Variants in CNTN3 observed in about 807,000 individuals in gnomAD.
CNTN3 encodes contactin 3.
In CNTN3, 60 loss-of-function variants were observed where a neutral mutation model predicts 119.1. The observed-to-expected ratio is 0.50, with a 90% CI of 0.41 to 0.62. The LOEUF (loss-of-function observed/expected upper bound fraction) is 0.62, where lower values mean the gene tolerates loss of function less well. CNTN3 is among the 20% of genes least tolerant of loss of function. The probability of loss-of-function intolerance (pLI) is 0.00; values close to 1 mark genes in which losing one functional copy is unlikely to be tolerated. For synonymous variants in CNTN3, 450 were observed against 438.7 expected (o/e 1.03, Z -0.32); for missense variants, 1,101 against 1,242.4 (o/e 0.89, Z 1.71).
At chr3:74,588,990 A>C (rs1368418013) in intron 1 of CNTN3, among the ~76,000 whole-genome samples, 1 of 152,036 alleles carries the variant, frequency 6.6e-6, no homozygotes, top group Admixed American at 6.6e-5. Context: ...TTAGACCTAA[A>C]ACCATAAAAA....
intron 10 of CNTN3, among the ~76,000 whole-genome samples, chr3:74,363,765 T>C (rs555234981): frequency 6.6e-6 from 1 of 152,210 alleles, no homozygotes; most frequent in Admixed American, 6.5e-5. Flanking sequence ...CAAATTATGC[T>C]GAAATCCAAA....
chr3:74,590,101 A>C (rs923123694), intron 1 of CNTN3, among the ~76,000 whole-genome samples: 1 of 152,002 alleles, frequency 6.6e-6, no homozygotes, highest in Non-Finnish European at 1.5e-5. Context: ...TAAAACTTAA[A>C]GTATAATAAT....
chr3:74,395,156 C>T (rs1486028121), intron 5 of CNTN3, among the ~76,000 whole-genome samples: 1 of 152,182 alleles, frequency 6.6e-6, no homozygotes, highest in East Asian at 1.9e-4. Context: ...AGACCCTCAG[C>T]ATCACAGGAC....
chr3:74,543,563 T>C (rs1389909483), intron 1 of CNTN3, among the ~76,000 whole-genome samples: 1 of 152,202 alleles, frequency 6.6e-6, no homozygotes, highest in East Asian at 1.9e-4. Flanking sequence ...TGATATAAAC[T>C]AATTTAGTAG....
chr3:74,322,959 A>T (rs1224308082), intron 13 of CNTN3, among the ~76,000 whole-genome samples: 2 of 152,204 alleles, frequency 1.3e-5, no homozygotes, highest in Non-Finnish European at 2.9e-5. Context: ...TTGAGACAAT[A>T]AAAAGATTAG....
chr3:74,532,630 G>C (rs1703710133), intron 1 of CNTN3, among the ~76,000 whole-genome samples: 1 of 151,948 alleles, frequency 6.6e-6, no homozygotes, highest in Admixed American at 6.6e-5. Context: ...TGGGTCCCCT[G>C]GATAAAGAAA....
intron 4 of CNTN3, among the ~76,000 whole-genome samples, chr3:74,469,689 C>A (rs1045587355): frequency 1.3e-5 from 2 of 152,082 alleles, no homozygotes; most frequent in Non-Finnish European, 2.9e-5. Context: ...AATAAAAAGA[C>A]AAACAATAAC....
intron 11 of CNTN3, among the ~76,000 whole-genome samples, chr3:74,348,466 C>T (rs984726347): frequency 2.0e-5 from 3 of 152,176 alleles, no homozygotes; most frequent in Non-Finnish European, 4.4e-5. Flanking sequence ...CTAGGGAATT[C>T]AGCTTCCACC....
At chr3:74,533,104 A>G (rs1046695394) in intron 1 of CNTN3, among the ~76,000 whole-genome samples, 1 of 152,062 alleles carries the variant, frequency 6.6e-6, no homozygotes, top group Non-Finnish European at 1.5e-5. Flanking sequence ...AAGAGGTCAC[A>G]GAAATGATGA....
At chr3:74,394,873 T>A (rs1418885779) in intron 5 of CNTN3, among the ~76,000 whole-genome samples, 3 of 152,130 alleles carry the variant, frequency 2.0e-5, no homozygotes, top group Non-Finnish European at 2.9e-5. Context: ...TAAAATGATG[T>A]GCGTGGAAGT....
intron 4 of CNTN3, among the ~76,000 whole-genome samples, chr3:74,466,638 T>C (rs182547563): frequency 3.0e-4 from 45 of 152,292 alleles, no homozygotes; most frequent in Non-Finnish European, 4.7e-4. Flanking sequence ...TGTGACATTT[T>C]ATTAACAAGT....
chr3:74,591,584 C>A (rs955031179), intron 1 of CNTN3, among the ~76,000 whole-genome samples: 2 of 151,356 alleles, frequency 1.3e-5, no homozygotes, highest in African/African-American at 2.4e-5. Flanking sequence ...GGCCTGGAAG[C>A]GGGGAAACAG....
At chr3:74,376,627 A>C (rs964091177) in intron 5 of CNTN3, among the ~76,000 whole-genome samples, 2 of 152,136 alleles carry the variant, frequency 1.3e-5, no homozygotes, top group African/African-American at 2.4e-5. Flanking sequence ...ACAATGTAAT[A>C]ATAACAGAAA....
At chr3:74,317,492 T>C (rs576897885) in intron 13 of CNTN3, among the ~76,000 whole-genome samples, 137 of 152,262 alleles carry the variant, frequency 9.0e-4, no homozygotes, top group African/African-American at 3.2e-3. Context: ...TTCCTTTCCA[T>C]GTTTAGTGCT....
At chr3:74,613,687 G>T (rs2106722685) in intron 1 of CNTN3, among the ~76,000 whole-genome samples, 1 of 152,284 alleles carries the variant, frequency 6.6e-6, no homozygotes, top group Middle Eastern at 3.4e-3. Context: ...ATTCCTGATG[G>T]TGCTATGACC....
chr3:74,308,988 G>C (rs1284292454), intron 13 of CNTN3, among the ~76,000 whole-genome samples: 1 of 152,114 alleles, frequency 6.6e-6, no homozygotes, highest in Admixed American at 6.5e-5. Flanking sequence ...GCTGGACACT[G>C]TCAAAGTCCC....
chr3:74,470,547 A>G (rs1702540957), intron 4 of CNTN3, among the ~76,000 whole-genome samples: 1 of 152,050 alleles, frequency 6.6e-6, no homozygotes, highest in African/African-American at 2.4e-5. Flanking sequence ...CGGCTCCCTA[A>G]GTGAAGAAAA....
chr3:74,514,888 G>A (rs573705721), intron 2 of CNTN3, among the ~76,000 whole-genome samples: 10 of 152,134 alleles, frequency 6.6e-5, no homozygotes, highest in African/African-American at 2.4e-4. Context: ...AGCAACTTAG[G>A]CCTAACAAAA....
chr3:74,570,482 C>T (rs1262652242), intron 1 of CNTN3, among the ~76,000 whole-genome samples: 3 of 126,944 alleles, frequency 2.4e-5, no homozygotes, highest in Non-Finnish European at 4.8e-5. Flanking sequence ...GGCTCTCTCG[C>T]AACATTAAAT....
Sources: gnomAD v4.1 joint callset for allele counts (sites outside exome capture counted in the v4.1 genomes callset) on GRCh38, gnomAD v4.1.1 for gene constraint, MANE v1.5 for transcripts, NCBI Gene and HGNC (gene_info 2026-07-23, HGNC 2026-07-21) for gene names.